Variants in NELL2 observed in about 807,000 individuals in gnomAD.
The protein encoded by NELL2 is neural EGFL like 2.
In NELL2, 41 loss-of-function variants were observed where a neutral mutation model predicts 109.6. The ratio of observed to expected loss-of-function variants is 0.37; its 90% confidence interval spans 0.29 to 0.49. The LOEUF is 0.49. Among genes scored for constraint, NELL2 ranks in the 20% least tolerant of loss-of-function variants. The probability of loss-of-function intolerance (pLI) is 0.98; values close to 1 mark genes in which losing one functional copy is unlikely to be tolerated. For missense variants in NELL2, 900 were observed against 1,008.3 expected (o/e 0.89, Z 1.45); for synonymous variants, 355 against 344.7 (o/e 1.03, Z -0.33).
chr12:44,848,387 T>C (rs1485806435), intron 2 of NELL2, among the ~76,000 whole-genome samples: 1 of 152,176 alleles, frequency 6.6e-6, no homozygotes, highest in Non-Finnish European at 1.5e-5. Flanking sequence ...GAGATGCCAC[T>C]GGGCTCTGAT....
chr12:44,519,380 T>C (rs1941417937), intron 19 of NELL2, among the ~76,000 whole-genome samples: 1 of 152,254 alleles, frequency 6.6e-6, no homozygotes, highest in Non-Finnish European at 1.5e-5. Flanking sequence ...ATATTCATTG[T>C]ATTTGTGCTC....
At chr12:44,656,088 C>T (rs538241252) in intron 13 of NELL2, among the ~76,000 whole-genome samples, 3 of 152,294 alleles carry the variant, frequency 2.0e-5, no homozygotes, top group African/African-American at 7.2e-5. Flanking sequence ...TAAATTCACA[C>T]AGAAGCAGCC....
intron 2 of NELL2, among the ~76,000 whole-genome samples, chr12:44,833,964 G>A (rs1391495680): frequency 6.6e-6 from 1 of 152,138 alleles, no homozygotes; most frequent in Admixed American, 6.5e-5. Context: ...CAATCTGAAT[G>A]CTAGTCTAAG....
Position 44,754,156 on chromosome 12 carries a change from C to T in NELL2, c.994+20591G>A, listed in dbSNP as rs142023799. On this transcript the variant is annotated intron_variant, in intron 9 of 19. Coordinates refer to ENST00000429094, the MANE Select transcript of NELL2 (RefSeq NM_001145108.2). The stretch of plus-strand genomic sequence containing the variant: ...ATTTGAAGAATTAATAAAGGAAGAA[C>T]GAGACATCATTTTACTTCTATCAAT... 1.8e-3 allele frequency among the ~76,000 whole-genome samples: 268 copies of T among 152,168 alleles called. 2 individuals carry two copies. The highest frequency in any genetic ancestry group is 6.1e-3 in the African/African-American group (252 of 41,524).
intron 9 of NELL2, among the ~76,000 whole-genome samples, chr12:44,763,467 CTAA>C (rs1453169458): frequency 3.3e-5 from 5 of 152,204 alleles, no homozygotes; most frequent in African/African-American, 7.2e-5. Flanking sequence ...CCTCCTAAAT[CTAA>C]TAATAATGAT....
At chr12:44,893,981 T>C (rs746200984) in intron 1 of NELL2, among the ~76,000 whole-genome samples, 13 of 152,150 alleles carry the variant, frequency 8.5e-5, no homozygotes, top group Non-Finnish European at 1.3e-4. Flanking sequence ...GAAAAAGACA[T>C]ACAAACTCAA....
chr12:44,827,837 G>A (rs933708809), intron 2 of NELL2, among the ~76,000 whole-genome samples: 1 of 152,138 alleles, frequency 6.6e-6, no homozygotes, highest in Non-Finnish European at 1.5e-5. Flanking sequence ...CTGGGAGTGG[G>A]ATTGCTAGAT....
chr12:44,710,615 A>C (rs954808280), intron 11 of NELL2, among the ~76,000 whole-genome samples: 18 of 152,196 alleles, frequency 1.2e-4, no homozygotes, highest in Admixed American at 6.6e-5. Context: ...CTAGTTTAAA[A>C]ATCTTTAGTG....
At chr12:44,621,500 C>T (rs1022542183) in intron 13 of NELL2, among the ~76,000 whole-genome samples, 1 of 152,090 alleles carries the variant, frequency 6.6e-6, no homozygotes, top group Non-Finnish European at 1.5e-5. Context: ...GCAAAATCCT[C>T]TGCAGGATCT....
At chr12:44,670,337 A>G (rs932010923) in intron 12 of NELL2, among the ~76,000 whole-genome samples, 5 of 152,148 alleles carry the variant, frequency 3.3e-5, no homozygotes, top group Admixed American at 6.5e-5. Context: ...TACAAATAAG[A>G]AAGAGAAAGG....
At chr12:44,733,130 C>T (rs1597497) in intron 9 of NELL2, among the ~76,000 whole-genome samples, 11,423 of 151,876 alleles carry the variant, frequency 0.075, 1,389 homozygotes, top group African/African-American at 0.26. Flanking sequence ...GTGCAGACTC[C>T]ACAGAAAACA....
chr12:44,755,473 T>C (rs548687751), intron 9 of NELL2, among the ~76,000 whole-genome samples: 2 of 151,866 alleles, frequency 1.3e-5, no homozygotes, highest in East Asian at 4.1e-4. Flanking sequence ...TGCAACATTC[T>C]GAAGGATTCT....
chr12:44,876,628 C>T (rs1016378674), upstream of NELL2: 5 of 1,551,116 alleles, frequency 3.2e-6, no homozygotes, highest in Non-Finnish European at 3.5e-6. Context: ...GGGCGCGTGT[C>T]TTGAAAGACA....
At chr12:44,638,714 A>T (rs955478514) in intron 13 of NELL2, among the ~76,000 whole-genome samples, 1 of 152,168 alleles carries the variant, frequency 6.6e-6, no homozygotes, top group Non-Finnish European at 1.5e-5. Context: ...TTTATTGATA[A>T]CACATCTTGT....
chr12:44,656,413 A>G (rs1357142518), intron 13 of NELL2, among the ~76,000 whole-genome samples: 2 of 152,198 alleles, frequency 1.3e-5, no homozygotes, highest in Non-Finnish European at 2.9e-5. Flanking sequence ...TATCTCATGT[A>G]AGTTTACAAC....
intron 15 of NELL2, among the ~76,000 whole-genome samples, chr12:44,598,703 C>A (rs1366199035): frequency 6.6e-6 from 1 of 151,920 alleles, no homozygotes; most frequent in Non-Finnish European, 1.5e-5. Flanking sequence ...AATGAAAATT[C>A]CTATGTGGCA....
intron 10 of NELL2, among the ~76,000 whole-genome samples, chr12:44,714,405 G>A (rs181286017): frequency 3.2e-4 from 48 of 151,976 alleles, no homozygotes; most frequent in African/African-American, 9.9e-4. Flanking sequence ...GAAAACATAC[G>A]ACAACTTCAT....
In NELL2 at chr12:44,690,939, G is replaced by C. The variant is rs563998087; in HGVS notation, c.1318+12787C>G. Among the ~76,000 whole-genome samples the C allele has an allele frequency of 9.9e-5, 15 of 152,260 alleles. No individual in the cohort carries two copies. In the South Asian group the frequency reaches 3.1e-3, roughly 32 times the overall value. ...ACATACAGCTATATCACTAATTGATGACTTAATTTATTATTTCTTCCCTAT... is the reference window on the plus strand; with the variant it reads ...ACATACAGCTATATCACTAATTGATCACTTAATTTATTATTTCTTCCCTAT... On this transcript the variant is annotated intron_variant, in intron 12 of 19. Transcript: ENST00000429094.
chr12:44,599,186 G>A (rs1161006828), intron 15 of NELL2, among the ~76,000 whole-genome samples: 2 of 152,050 alleles, frequency 1.3e-5, no homozygotes, highest in East Asian at 1.9e-4. Context: ...AGATAATAAG[G>A]TCAGACACCA....
Sources: allele counts gnomAD v4.1 joint callset (sites outside exome capture counted in the v4.1 genomes callset), GRCh38; gene constraint gnomAD v4.1.1; transcripts MANE v1.5; gene names NCBI Gene and HGNC (gene_info 2026-07-23, HGNC 2026-07-21).